AFG1L: variants seen among roughly 807,000 people sequenced by gnomAD.
AFG1L encodes the protein AFG1-like ATPase.
AFG1L carries 53 observed loss-of-function variants against 62.2 expected under a neutral mutation model. The observed-to-expected ratio is 0.85, with a 90% confidence interval of 0.68 to 1.07. The LOEUF (loss-of-function observed/expected upper bound fraction) is 1.07, where lower values mean the gene tolerates loss of function less well. Among genes scored for constraint, AFG1L ranks in the 50% least tolerant of loss-of-function variants. The pLI is 0.00. For missense variants in AFG1L, 555 were observed against 590.5 expected (o/e 0.94, Z 0.62); for synonymous variants, 228 against 210.3 (o/e 1.08, Z -0.73).
intron 10 of AFG1L, among the ~76,000 whole-genome samples, chr6:108,488,609 T>A (rs538526391): frequency 6.6e-6 from 1 of 152,088 alleles, no homozygotes; most frequent in South Asian, 2.1e-4. Context: ...TCCTAGCACT[T>A]TGGGAGGCCG....
Position 108,447,252 on chromosome 6 carries a change from T to G in AFG1L, c.846T>G (p.Asp282Glu). 1 of 1,609,610 alleles carries G rather than the reference T, an allele frequency of 6.2e-7. No homozygotes were observed. The highest frequency in any genetic ancestry group is 8.5e-7 in the Non-Finnish European group (1 of 1,176,160). Residue 282 changes from aspartate (D) to glutamate (E), a missense_variant, in exon 8 of 13, where the codon GAT becomes GAG. Transcript: ENST00000368977. ...CNTVQLDSGI[D>E]YRKRELPAAG... ...CAGTCCAGCTAGATTCTGGGATAGA[T>G]TACCGGAAAAGGGAACTTCCTGCTG...
intron 2 of AFG1L, among the ~76,000 whole-genome samples, chr6:108,336,428 G>T (rs996744103): frequency 1.3e-5 from 2 of 152,126 alleles, no homozygotes; most frequent in African/African-American, 4.8e-5. Flanking sequence ...ACCCAGAAAG[G>T]CAGAGGACGT....
chr6:108,353,362 C>T (rs552782131), intron 3 of AFG1L, among the ~76,000 whole-genome samples: 1 of 152,114 alleles, frequency 6.6e-6, no homozygotes, highest in South Asian at 2.1e-4. Flanking sequence ...CACTATGTTG[C>T]CCAGGCTGGT....
chr6:108,525,755 G>A lies in AFG1L; in HGVS notation c.*3330G>A, dbSNP rs142008776. 9.2e-4 allele frequency: 140 copies of A among 152,298 alleles called. No homozygotes were observed. Among genetic ancestry groups the A allele is most frequent in the African/African-American group, 3.2e-3 (135 of 41,566 alleles). 9.4% of individuals were successfully genotyped at this position (152,298 alleles called of 1,614,324 possible). ...ATTAATGAATTGCTAAGATATAACC[G>A]AAGTCAATAAAATTAGCAAAGTGCT... On this transcript the variant is annotated 3_prime_UTR_variant, in exon 13 of 13. Coordinates refer to ENST00000368977, the MANE Select transcript of AFG1L (RefSeq NM_145315.5).
chr6:108,484,281 C>T (rs916011894), intron 10 of AFG1L, among the ~76,000 whole-genome samples: 7 of 152,106 alleles, frequency 4.6e-5, no homozygotes, highest in Non-Finnish European at 7.4e-5. Flanking sequence ...CTGGCCTTGC[C>T]GTGTCCAAAT....
At chr6:108,414,743 A>G (rs1259929824) in intron 7 of AFG1L, among the ~76,000 whole-genome samples, 1 of 152,228 alleles carries the variant, frequency 6.6e-6, no homozygotes. Context: ...AAAAACTCTC[A>G]ATAAACTAGG....
intron 3 of AFG1L, among the ~76,000 whole-genome samples, chr6:108,348,802 A>T (rs892887296): frequency 1.3e-5 from 2 of 152,156 alleles, no homozygotes; most frequent in African/African-American, 4.8e-5. Context: ...CTTTCATATT[A>T]AGTCATCGCT....
intron 1 of AFG1L, among the ~76,000 whole-genome samples, chr6:108,320,524 G>C (rs759593466): frequency 6.6e-6 from 1 of 152,098 alleles, no homozygotes; most frequent in African/African-American, 2.4e-5. Flanking sequence ...TTTGGTAGGG[G>C]TTGGAGTTTC....
At chr6:108,507,877 G>A (rs1010706250) in intron 10 of AFG1L, among the ~76,000 whole-genome samples, 2 of 152,056 alleles carry the variant, frequency 1.3e-5, no homozygotes, top group Non-Finnish European at 2.9e-5. Context: ...TCTGGTGCCT[G>A]CTGTGACTCC....
chr6:108,394,992 A>T (rs1435697871), intron 6 of AFG1L, among the ~76,000 whole-genome samples: 1 of 152,174 alleles, frequency 6.6e-6, no homozygotes, highest in Non-Finnish European at 1.5e-5. Context: ...CCTTTTACTC[A>T]TTAGAGGTGT....
At chr6:108,324,131 C>T in intron 2 of AFG1L, 83 bp downstream of exon 2, 1 of 970,962 alleles carries the variant, frequency 1.0e-6, no homozygotes, top group Non-Finnish European at 1.5e-6. Flanking sequence ...AGGACACAAT[C>T]ATGAAACATC....
chr6:108,356,923 C>A, intron 5 of AFG1L, 103 bp downstream of exon 5: 1 of 989,486 alleles, frequency 1.0e-6, no homozygotes, highest in Non-Finnish European at 1.5e-6. Flanking sequence ...GGTGATTTGA[C>A]ACATTATCTC....
At chr6:108,505,791 T>A (rs1675251359) in intron 10 of AFG1L, among the ~76,000 whole-genome samples, 2 of 151,834 alleles carry the variant, frequency 1.3e-5, no homozygotes, top group South Asian at 2.1e-4. Context: ...CCAAAATGAA[T>A]CATGGAGAAG....
intron 7 of AFG1L, among the ~76,000 whole-genome samples, chr6:108,429,506 A>G (rs925692889): frequency 9.9e-5 from 15 of 152,158 alleles, no homozygotes; most frequent in Admixed American, 8.5e-4. Context: ...GAATTATGGG[A>G]GCTACAATTC....
chr6:108,501,667 G>A (rs1192982575), intron 10 of AFG1L, among the ~76,000 whole-genome samples: 2 of 152,040 alleles, frequency 1.3e-5, no homozygotes, highest in Non-Finnish European at 2.9e-5. Flanking sequence ...TGTGTAGAGT[G>A]TTTTTATGGG....
At chr6:108,482,141 G>A (rs1773345401) in intron 10 of AFG1L, among the ~76,000 whole-genome samples, 1 of 152,192 alleles carries the variant, frequency 6.6e-6, no homozygotes, top group Non-Finnish European at 1.5e-5. Context: ...TTAATTAAAT[G>A]TGTCAACATT....
chr6:108,301,326 C>T (rs975900205), intron 1 of AFG1L, among the ~76,000 whole-genome samples: 3 of 152,156 alleles, frequency 2.0e-5, no homozygotes, highest in African/African-American at 7.2e-5. Flanking sequence ...CTTATTTTAC[C>T]CAGCCCTTAT....
At chr6:108,333,039 T>C (rs980778405) in intron 2 of AFG1L, among the ~76,000 whole-genome samples, 6 of 152,224 alleles carry the variant, frequency 3.9e-5, no homozygotes, top group Non-Finnish European at 7.3e-5. Flanking sequence ...AATTTAAAAC[T>C]TCTAGTTAAC....
chr6:108,324,717 A>G (rs1242137457), intron 2 of AFG1L, among the ~76,000 whole-genome samples: 2 of 147,366 alleles, frequency 1.4e-5, no homozygotes, highest in Non-Finnish European at 3.0e-5. Flanking sequence ...TTTGAGACAG[A>G]GTCTCGCTCT....
Sources: allele counts gnomAD v4.1 joint callset (sites outside exome capture counted in the v4.1 genomes callset), GRCh38; gene constraint gnomAD v4.1.1; transcripts MANE v1.5; gene names NCBI Gene and HGNC (gene_info 2026-07-23, HGNC 2026-07-21).